The following CTNNA3 variants were observed in gnomAD, a reference collection of about 807,000 sequenced individuals.
CTNNA3 encodes catenin alpha-3.
In CTNNA3, 76 loss-of-function variants were observed where a neutral mutation model predicts 95.7. That is an observed-to-expected ratio of 0.79 (90% CI 0.66 to 0.96). CTNNA3 has a LOEUF of 0.96. CTNNA3 is among the 40% of genes least tolerant of loss of function. The pLI is 0.00. For missense variants in CTNNA3, 1,191 were observed against 1,089.8 expected (o/e 1.09, Z -1.31); for synonymous variants, 431 against 374.4 (o/e 1.15, Z -1.74).
At chr10:66,124,453 T>C (rs558013123) in intron 13 of CTNNA3, among the ~76,000 whole-genome samples, 1 of 152,314 alleles carries the variant, frequency 6.6e-6, no homozygotes, top group East Asian at 1.9e-4. Context: ...CACTTTCCTG[T>C]CTTCTTCTGA....
chr10:67,671,487 C>A (rs1397781772), intron 1 of CTNNA3, among the ~76,000 whole-genome samples: 1 of 150,852 alleles, frequency 6.6e-6, no homozygotes, highest in Admixed American at 6.6e-5. Context: ...TTAGGTATAT[C>A]TCCTAATGCT....
chr10:66,822,590 T>A (rs944129157), intron 7 of CTNNA3, among the ~76,000 whole-genome samples: 2 of 152,234 alleles, frequency 1.3e-5, no homozygotes, highest in African/African-American at 4.8e-5. Flanking sequence ...CCATGTGAAA[T>A]AAAGTTCTGG....
chr10:67,273,552 C>G (rs936635243), intron 5 of CTNNA3, among the ~76,000 whole-genome samples: 3 of 151,540 alleles, frequency 2.0e-5, no homozygotes, highest in Admixed American at 6.6e-5. Context: ...TATGTCTATC[C>G]TATGACCAAA....
intron 5 of CTNNA3, among the ~76,000 whole-genome samples, chr10:67,257,774 A>C (rs1274059123): frequency 6.6e-6 from 1 of 152,212 alleles, no homozygotes; most frequent in Non-Finnish European, 1.5e-5. Context: ...AATGGAAAAT[A>C]ATATTACAGA....
At chr10:67,017,294 C>T (rs1439820995) in intron 7 of CTNNA3, among the ~76,000 whole-genome samples, 1 of 152,112 alleles carries the variant, frequency 6.6e-6, no homozygotes. Flanking sequence ...TAGGTTAGTT[C>T]CCAAGAACAC....
At chr10:67,095,179 C>A (rs1386121737) in intron 7 of CTNNA3, among the ~76,000 whole-genome samples, 2 of 151,522 alleles carry the variant, frequency 1.3e-5, no homozygotes, top group African/African-American at 4.8e-5. Flanking sequence ...TCAGATATGG[C>A]TAGCTGTTAC....
intron 5 of CTNNA3, among the ~76,000 whole-genome samples, chr10:67,295,755 G>A (rs1426759577): frequency 6.6e-6 from 1 of 152,202 alleles, no homozygotes; most frequent in Non-Finnish European, 1.5e-5. Flanking sequence ...ATTAGCTGGA[G>A]TAAGAAGAAT....
intron 17 of CTNNA3, among the ~76,000 whole-genome samples, chr10:65,950,518 AATGGGGAAT>A (rs1564534642): frequency 6.6e-6 from 1 of 151,984 alleles, no homozygotes; most frequent in Non-Finnish European, 1.5e-5. Context: ...CACTTTGCCT[AATGGGGAAT>A]TTGGCACATT....
At chr10:66,856,422 A>G (rs1280597180) in intron 7 of CTNNA3, among the ~76,000 whole-genome samples, 2 of 152,072 alleles carry the variant, frequency 1.3e-5, no homozygotes, top group African/African-American at 4.8e-5. Flanking sequence ...CCTTGGGTAT[A>G]TAACCAATAA....
rs975637019 is a variant in CTNNA3 at position 66,716,290 on chromosome 10, A to G, written c.1281+49974T>C. Among the ~76,000 whole-genome samples the G allele has an allele frequency of 2.0e-5, 3 of 152,290 alleles. No homozygotes were observed. The East Asian group carries it at 5.8e-4, about 29-fold the overall frequency. On this transcript the variant is annotated intron_variant, in intron 9 of 17. Transcript: ENST00000433211. Reference sequence around the variant, plus strand: ...GATGTTCAGCTCTACCCAGGAAAACAATCCTCGATTCTGCAATGATTTGGT... The same window carrying G: ...GATGTTCAGCTCTACCCAGGAAAACGATCCTCGATTCTGCAATGATTTGGT...
In CTNNA3 at chr10:66,273,420, A is replaced by T. The variant is rs1477224237; in HGVS notation, c.1884+7050T>A. 2.0e-5 allele frequency among the ~76,000 whole-genome samples: 3 copies of T among 152,278 alleles called. No individual in the cohort carries two copies. In the East Asian group the frequency reaches 5.8e-4, roughly 29 times the overall value. ...AAATTGTTTAACTCTGGAATTTCTT[A>T]TTTAATATTATCAGACAGTGGTTGA... On this transcript the variant is annotated intron_variant, in intron 13 of 17. Coordinates refer to ENST00000433211, the MANE Select transcript of CTNNA3 (RefSeq NM_013266.4).
intron 13 of CTNNA3, among the ~76,000 whole-genome samples, chr10:66,187,107 C>T (rs1057025271): frequency 1.3e-5 from 2 of 152,070 alleles, no homozygotes; most frequent in African/African-American, 4.8e-5. Context: ...AATTCCCAAG[C>T]AACTGTCATT....
chr10:66,971,892 A>G (rs932966792), intron 7 of CTNNA3, among the ~76,000 whole-genome samples: 1 of 151,990 alleles, frequency 6.6e-6, no homozygotes, highest in Non-Finnish European at 1.5e-5. Flanking sequence ...ACAAGGTCAG[A>G]GCATATTCTT....
At chr10:66,389,941 G>T (rs894602190) in intron 11 of CTNNA3, among the ~76,000 whole-genome samples, 29 of 152,058 alleles carry the variant, frequency 1.9e-4, no homozygotes, top group African/African-American at 6.8e-4. Context: ...TTGCTACGTT[G>T]CTCAGGCTGA....
chr10:66,709,273 G>A (rs2132598930), intron 9 of CTNNA3, among the ~76,000 whole-genome samples: 1 of 152,196 alleles, frequency 6.6e-6, no homozygotes, highest in South Asian at 2.1e-4. Context: ...GTGCTTGGAT[G>A]TGGCACAGGA....
intron 7 of CTNNA3, among the ~76,000 whole-genome samples, chr10:67,124,296 G>GA (rs1859602434): frequency 6.7e-6 from 1 of 149,622 alleles, no homozygotes; most frequent in Non-Finnish European, 1.5e-5. Flanking sequence ...GCTTCCTCTA[G>GA]TTCTCTCTCT....
chr10:65,934,486 T>C (rs3000932), intron 17 of CTNNA3, among the ~76,000 whole-genome samples: 22,968 of 152,124 alleles, frequency 0.15, 2,154 homozygotes, highest in South Asian at 0.23. Context: ...GTTGCTCATC[T>C]ACAACTAGTT....
chr10:66,175,328 A>C (rs1275334892), intron 13 of CTNNA3, among the ~76,000 whole-genome samples: 2 of 152,198 alleles, frequency 1.3e-5, no homozygotes, highest in Admixed American at 1.3e-4. Flanking sequence ...TACAATAAGA[A>C]AGATACAGAC....
At chr10:66,668,457 T>A (rs7922262) in intron 9 of CTNNA3, among the ~76,000 whole-genome samples, 7,146 of 149,800 alleles carry the variant, frequency 0.048, 582 homozygotes, top group African/African-American at 0.17. Flanking sequence ...TGTGTGTGTG[T>A]GATACACATC....
Sources: allele counts gnomAD v4.1 joint callset (sites outside exome capture counted in the v4.1 genomes callset), GRCh38; gene constraint gnomAD v4.1.1; transcripts MANE v1.5; gene names NCBI Gene and HGNC (gene_info 2026-07-23, HGNC 2026-07-21).